Variants in NRXN1 observed in about 807,000 individuals in gnomAD.
NRXN1 encodes the protein neurexin-1.
NRXN1 carries 39 observed loss-of-function variants against 150.9 expected under a neutral mutation model. The ratio of observed to expected loss-of-function variants is 0.26; its 90% confidence interval spans 0.20 to 0.34. The LOEUF (loss-of-function observed/expected upper bound fraction) is 0.34. Among genes scored for constraint, NRXN1 ranks in the 10% least tolerant of loss-of-function variants. NRXN1 has a pLI of 1.00. For synonymous variants in NRXN1, 924 were observed against 757.0 expected (o/e 1.22, Z -3.62); for missense variants, 1,815 against 1,949.9 (o/e 0.93, Z 1.30).
intron 5 of NRXN1, among the ~76,000 whole-genome samples, chr2:50,783,422 G>A (rs762212431): frequency 2.0e-4 from 30 of 151,994 alleles, no homozygotes; most frequent in Admixed American, 1.4e-3. Flanking sequence ...TTAAGCTCTC[G>A]GTCTGTGACT....
intron 12 of NRXN1, among the ~76,000 whole-genome samples, chr2:50,510,376 C>T (rs1301666977): frequency 2.7e-5 from 4 of 149,770 alleles, no homozygotes; most frequent in African/African-American, 7.3e-5. Flanking sequence ...ATCCCAGCTA[C>T]TCAGGAGGCT....
chr2:49,922,166 G>A lies in NRXN1; in HGVS notation c.4302C>T (p.Val1434=). 2 of 1,614,114 alleles carry A rather than the reference G, an allele frequency of 1.2e-6. No homozygotes were observed. Among genetic ancestry groups the A allele is most frequent in the Non-Finnish European group, 1.7e-6 (2 of 1,180,020 alleles). The stretch of plus-strand genomic sequence containing the variant: ...GGGCGGCAGCGGCTACTATCCCAAC[G>A]ACCATACCCGTGGTGCTGCTGGACT... The part of the protein sequence containing the change: ...IRESSSTTGM[V]VGIVAAAALC... Residue 1434 remains valine, a synonymous_variant, in exon 23 of 23, where the codon GTC becomes GTT. Coordinates refer to ENST00000401669, the MANE Select transcript of NRXN1 (RefSeq NM_001330078.2).
At chr2:50,785,095 T>C (rs1650291425) in intron 5 of NRXN1, among the ~76,000 whole-genome samples, 1 of 151,928 alleles carries the variant, frequency 6.6e-6, no homozygotes, top group Admixed American at 6.6e-5. Flanking sequence ...TGGAGCTTTC[T>C]CTCTCTGAGG....
At chr2:50,390,029 T>C (rs373552389) in intron 17 of NRXN1, among the ~76,000 whole-genome samples, 20 of 152,298 alleles carry the variant, frequency 1.3e-4, no homozygotes, top group African/African-American at 4.3e-4. Context: ...ATCTTATACT[T>C]GATTTTATAT....
intron 17 of NRXN1, among the ~76,000 whole-genome samples, chr2:50,408,680 C>T (rs555358714): frequency 1.3e-5 from 2 of 152,100 alleles, no homozygotes; most frequent in East Asian, 1.9e-4. Flanking sequence ...TCTGTGTGTG[C>T]GTCTGTGTCT....
chr2:50,977,830 C>T (rs1452733436), intron 2 of NRXN1, among the ~76,000 whole-genome samples: 3 of 151,778 alleles, frequency 2.0e-5, no homozygotes, highest in South Asian at 4.1e-4. Context: ...ATGCAAAGCA[C>T]ATACTGCCTC....
At chr2:50,736,452 T>A (rs1434426976) in intron 5 of NRXN1, among the ~76,000 whole-genome samples, 2 of 152,116 alleles carry the variant, frequency 1.3e-5, no homozygotes, top group African/African-American at 4.8e-5. Context: ...ACAAGGATAG[T>A]GATATGGCTT....
chr2:50,578,160 T>A (rs754079894), intron 8 of NRXN1, among the ~76,000 whole-genome samples: 1 of 152,192 alleles, frequency 6.6e-6, no homozygotes, highest in African/African-American at 2.4e-5. Context: ...CAATATTAAA[T>A]CCAATGCTCT....
At chr2:49,922,288 C>T in intron 22 of NRXN1, 37 bp from the exon 23 acceptor site, 1 of 1,576,446 alleles carries the variant, frequency 6.3e-7, no homozygotes, top group Non-Finnish European at 8.7e-7. Context: ...ACAAAGTGAT[C>T]ATTGAGTTCA....
intron 17 of NRXN1, among the ~76,000 whole-genome samples, chr2:50,252,246 C>CTTTTTTTT (rs1559175117): frequency 1.8e-5 from 1 of 54,120 alleles, no homozygotes; most frequent in Non-Finnish European, 3.5e-5. Flanking sequence ...TTTTTTTTTT[C>CTTTTTTTT]TTTTTTCTTT....
chr2:50,632,595 A>C (rs376074392), intron 5 of NRXN1: 10 of 152,104 alleles, frequency 6.6e-5, no homozygotes, highest in African/African-American at 2.2e-4. Context: ...AGGTGATTCT[A>C]GTGTACATTA....
At chr2:50,448,971 G>A (rs1209985334) in intron 17 of NRXN1, among the ~76,000 whole-genome samples, 3 of 152,048 alleles carry the variant, frequency 2.0e-5, no homozygotes, top group Admixed American at 1.3e-4. Context: ...TTTCATGAAC[G>A]CCAAATGACT....
chr2:49,990,161 T>C (rs1000718144), intron 21 of NRXN1, among the ~76,000 whole-genome samples: 6 of 151,588 alleles, frequency 4.0e-5, no homozygotes, highest in Non-Finnish European at 5.9e-5. Context: ...GCCCTTTATA[T>C]TGGGTGTTCA....
chr2:50,439,718 G>A (rs1239370705), intron 17 of NRXN1, among the ~76,000 whole-genome samples: 3 of 151,838 alleles, frequency 2.0e-5, no homozygotes, highest in South Asian at 2.1e-4. Context: ...TCGGGAGGCT[G>A]AGGCAGGAGA....
Position 50,545,124 on chromosome 2 carries a change from T to G in NRXN1, c.1760-6488A>C, listed in dbSNP as rs529841987. On this transcript the variant is annotated intron_variant, in intron 9 of 22. Coordinates refer to ENST00000401669, the MANE Select transcript of NRXN1 (RefSeq NM_001330078.2). The stretch of plus-strand genomic sequence containing the variant: ...ATCTATGGAGAACAGAGTAAATTGA[T>G]GAGGGAATGTATGGTAAGGGGAAAC... 4.4e-4 allele frequency among the ~76,000 whole-genome samples: 67 copies of G among 152,278 alleles called. No individual in the cohort carries two copies. The South Asian group carries it at 0.013, about 30-fold the overall frequency.
Position 50,763,336 on chromosome 2 carries a change from G to A in NRXN1, c.833-139721C>T, listed in dbSNP as rs1702030177. 2.0e-5 allele frequency among the ~76,000 whole-genome samples: 3 copies of A among 152,022 alleles called. No homozygotes were observed. In the South Asian group the frequency reaches 6.2e-4, roughly 32 times the overall value. ...CCTGCTATTTTACCATTGCTTGCCT[G>A]TAATTTAATTTATCTTGGCCTCAAT... On this transcript the variant is annotated intron_variant, in intron 5 of 22. Transcript: ENST00000401669.
At chr2:50,603,812 T>C (rs951230321) in intron 8 of NRXN1, among the ~76,000 whole-genome samples, 5 of 152,168 alleles carry the variant, frequency 3.3e-5, no homozygotes, top group Non-Finnish European at 7.4e-5. Flanking sequence ...ATAAAATGCA[T>C]TGCGTTGCAC....
At chr2:50,206,308 C>T (rs1338133940) in intron 18 of NRXN1, among the ~76,000 whole-genome samples, 1 of 151,634 alleles carries the variant, frequency 6.6e-6, no homozygotes, top group Non-Finnish European at 1.5e-5. Context: ...AGTTTTAGGA[C>T]AGGTTGTTGT....
At chr2:50,251,007 TGTGTA>T (rs2066999232) in intron 17 of NRXN1, among the ~76,000 whole-genome samples, 1 of 101,902 alleles carries the variant, frequency 9.8e-6, no homozygotes, top group Admixed American at 1.0e-4. Flanking sequence ...ACATTGCATA[TGTGTA>T]ATATTACATA....
Sources: gnomAD v4.1 joint callset for allele counts (sites outside exome capture counted in the v4.1 genomes callset) on GRCh38, gnomAD v4.1.1 for gene constraint, MANE v1.5 for transcripts, NCBI Gene and HGNC (gene_info 2026-07-23, HGNC 2026-07-21) for gene names.